The following ALDH16A1 variants were observed in gnomAD, a reference collection of about 807,000 sequenced individuals.
ALDH16A1 encodes the protein aldehyde dehydrogenase 16 family member A1.
A neutral mutation model predicts 96.1 loss-of-function variants in ALDH16A1; 88 were observed. That is an observed-to-expected ratio of 0.92 (90% CI 0.77 to 1.09). The LOEUF (loss-of-function observed/expected upper bound fraction) is 1.09. Ranked by LOEUF, ALDH16A1 falls within the 50% of genes least tolerant of loss-of-function variation. The pLI, the probability that ALDH16A1 is intolerant of heterozygous loss-of-function variation, is 0.00. For synonymous variants in ALDH16A1, 522 were observed against 496.4 expected (o/e 1.05, Z -0.69); for missense variants, 1,250 against 1,112.6 (o/e 1.12, Z -1.76).
At chr19:49,467,721 T>C (rs891598664) in intron 14 of ALDH16A1, among the ~76,000 whole-genome samples, 10 of 151,906 alleles carry the variant, frequency 6.6e-5, no homozygotes, top group Non-Finnish European at 1.3e-4. Context: ...TATTTTACTT[T>C]AGTTCTGGGA....
chr19:49,464,152 C>T lies in ALDH16A1; in HGVS notation c.1220C>T (p.Ser407Phe), dbSNP rs776285715. Reference sequence around the variant, plus strand: ...GTGCCGTGGCCTGTGGTCGTGGCCTCCCCCTTCCGCACAGCCAAGGAGGCA... The same window carrying T: ...GTGCCGTGGCCTGTGGTCGTGGCCTTCCCCTTCCGCACAGCCAAGGAGGCA... Reference protein sequence around the residue: ...VEVPWPVVVASPFRTAKEALL... With the variant: ...VEVPWPVVVAFPFRTAKEALL... The change falls in exon 10 of 17, where the codon TCC (serine) becomes TTC (phenylalanine). Residue 407 changes from serine to phenylalanine, a missense_variant. Transcript: ENST00000293350. 1.3e-5 allele frequency: 21 copies of T among 1,608,718 alleles called. No individual in the cohort carries two copies. In the East Asian group the frequency reaches 3.6e-4, roughly 27 times the overall value.
At chr19:49,457,786 T>C (rs1005349575) in intron 1 of ALDH16A1, among the ~76,000 whole-genome samples, 1 of 151,786 alleles carries the variant, frequency 6.6e-6, no homozygotes, top group Non-Finnish European at 1.5e-5. Flanking sequence ...ACTTTTTGTA[T>C]TTTTTGTAGA....
Position 49,468,449 on chromosome 19 carries a change from G to C in ALDH16A1, c.2007G>C (p.Pro669=). 6.2e-7 allele frequency: 1 copy of C among 1,601,786 alleles called. No homozygotes were observed. The highest frequency in any genetic ancestry group is 8.5e-7 in the Non-Finnish European group (1 of 1,179,882). Residue 669 remains proline, a synonymous_variant, in exon 15 of 17, where the codon CCG becomes CCC. Coordinates refer to ENST00000293350, the MANE Select transcript of ALDH16A1 (RefSeq NM_153329.4). This position sits in a 1 kb window ranked among gnomAD's most constrained non-coding sequence, Gnocchi z 4.4. ...TGGGTGTGCTGGCTGTGGTGTGTCC[G>C]GACGAGTGGCCCCTGCTTGCCTTCG... ...EPLGVLAVVC[P]DEWPLLAFVS... is the part of the protein sequence containing the mutation.
Position 49,453,512 on chromosome 19 carries a change from G to A in ALDH16A1, c.90+91G>A, listed in dbSNP as rs1303736874. 5 of 1,197,998 alleles carry A rather than the reference G, an allele frequency of 4.2e-6. No homozygotes were observed. In the East Asian group the frequency reaches 1.0e-4, roughly 25 times the overall value. 74.2% of individuals were successfully genotyped at this position (1,197,998 alleles called of 1,614,324 possible). ...GGGAGTCCCGTCATCCACTGCGGTA[G>A]CTCAGCCGCTCCGCCTCTCTTAGTC... On this transcript the variant is annotated intron_variant, in intron 1 of 16. Transcript: ENST00000293350.
chr19:49,453,516 A>G, intron 1 of ALDH16A1, 95 bp downstream of exon 1: 2 of 1,175,362 alleles, frequency 1.7e-6, no homozygotes, highest in South Asian at 1.5e-5. Flanking sequence ...GCGGTAGCTC[A>G]GCCGCTCCGC....
At chr19:49,461,137 A>G (rs1601024998) in intron 5 of ALDH16A1, among the ~76,000 whole-genome samples, 1 of 107,500 alleles carries the variant, frequency 9.3e-6, no homozygotes, top group African/African-American at 3.7e-5. Flanking sequence ...CTGAGGGAGG[A>G]GGGGCTGGAG....
chr19:49,466,088 G>A lies in ALDH16A1; in HGVS notation c.1743G>A (p.Ala581=), dbSNP rs778322254. Residue 581 remains alanine, a synonymous_variant, in exon 14 of 17, where the codon GCG becomes GCA. Coordinates refer to ENST00000293350, the MANE Select transcript of ALDH16A1 (RefSeq NM_153329.4). ...GTGCGCTGTCTGCCCACAGCTGGGCGGGCCAGTCCCCAGGAGCCCGGGCAG... is the reference window on the plus strand; with the variant it reads ...GTGCGCTGTCTGCCCACAGCTGGGCAGGCCAGTCCCCAGGAGCCCGGGCAG... ...EAAHQAFPGW[A]GQSPGARAAL... The A allele has an allele frequency of 9.1e-6, 14 of 1,542,828 alleles. No homozygotes were observed. Among genetic ancestry groups the A allele is most frequent in the African/African-American group, 1.4e-5 (1 of 73,358 alleles).
intron 1 of ALDH16A1, among the ~76,000 whole-genome samples, chr19:49,457,424 T>G (rs544896836): frequency 6.6e-6 from 1 of 151,252 alleles, no homozygotes; most frequent in Non-Finnish European, 1.5e-5. Flanking sequence ...GGCAGGCGCA[T>G]GTAGTCCCAG....
Position 49,461,809 on chromosome 19 carries a change from G to A in ALDH16A1, c.759+9G>A, listed in dbSNP as rs1452694893. The A allele has an allele frequency of 9.9e-6, 16 of 1,609,186 alleles. No homozygotes were observed. The highest frequency in any genetic ancestry group is 2.2e-5 in the South Asian group (2 of 90,466). On this transcript the variant is annotated intron_variant, in intron 6 of 16. Transcript: ENST00000293350. The stretch of plus-strand genomic sequence containing the variant: ...TCTGCGGAGCCCCGGAGGTACCTTC[G>A]GGACAGGGGTCGTGGCGGAACGCGG...
Position 49,466,073 on chromosome 19 carries a change from T to C in ALDH16A1, c.1737-9T>C, listed in dbSNP as rs753437291. On this transcript the variant is annotated splice_polypyrimidine_tract_variant and intron_variant, in intron 13 of 16. Coordinates refer to ENST00000293350, the MANE Select transcript of ALDH16A1 (RefSeq NM_153329.4). ...ATGCCAACCCCCACTGTGCGCTGTC[T>C]GCCCACAGCTGGGCGGGCCAGTCCC... The C allele has an allele frequency of 3.6e-5, 55 of 1,541,056 alleles. No homozygotes were observed. Among genetic ancestry groups the C allele is most frequent in the Non-Finnish European group, 4.4e-5 (51 of 1,146,988 alleles).
At position 49,461,965 on chromosome 19, in the gene ALDH16A1, C is replaced by G. The variant is rs1318630986; in HGVS notation, c.841C>G (p.Leu281Val). Residue 281 changes from leucine (L) to valine (V), a missense_variant, in exon 7 of 17, where the codon CTG (leucine) becomes GTG (valine). Coordinates refer to ENST00000293350, the MANE Select transcript of ALDH16A1 (RefSeq NM_153329.4). ...GCTGGGGACGGAGTCGCTGCTGCTG[C>G]TGACGGACACGGCGGACGTAGACTC... ...LALGTESLLL[L>V]TDTADVDSAV... 1 of 1,562,954 alleles carries G rather than the reference C, an allele frequency of 6.4e-7. No homozygotes were observed. The highest frequency in any genetic ancestry group is 1.4e-5 in the African/African-American group (1 of 73,734).
chr19:49,468,101 A>G lies in ALDH16A1; in HGVS notation c.1939-280A>G, dbSNP rs973288758. ...CGTGAACCCGGGAGGCGGAGGTTGC[A>G]GTGAGCCAAGATCGCACCACTGCAC... On this transcript the variant is annotated intron_variant, in intron 14 of 16. Coordinates refer to ENST00000293350, the MANE Select transcript of ALDH16A1 (RefSeq NM_153329.4). This position sits in a 1 kb window ranked among gnomAD's most constrained non-coding sequence, Gnocchi z 4.4. Among the ~76,000 whole-genome samples the G allele has an allele frequency of 2.7e-5, 4 of 150,206 alleles. No individual in the cohort carries two copies. The highest frequency in any genetic ancestry group is 5.9e-5 in the Non-Finnish European group (4 of 67,760).
Position 49,468,422 on chromosome 19 carries a change from G to C in ALDH16A1, c.1980G>C (p.Pro660=). 1 of 1,600,698 alleles carries C rather than the reference G, an allele frequency of 6.2e-7. No individual in the cohort carries two copies. Among genetic ancestry groups the C allele is most frequent in the East Asian group, 2.2e-5 (1 of 44,852 alleles). ...LRGPVLRLRE[P]LGVLAVVCPD... The stretch of plus-strand genomic sequence containing the variant: ...GCCCTGTGCTGCGCCTGCGGGAGCC[G>C]CTGGGTGTGCTGGCTGTGGTGTGTC... The change falls in exon 15 of 17, where the codon CCG becomes CCC. Residue 660 remains proline, a synonymous_variant. Coordinates refer to ENST00000293350, the MANE Select transcript of ALDH16A1 (RefSeq NM_153329.4). The surrounding 1 kb of genome is among the most constrained non-coding windows in gnomAD (Gnocchi z 4.4).
rs749910207 is a variant in ALDH16A1 at position 49,466,205 on chromosome 19, G to A, written c.1860G>A (p.Ala620=). The A allele has an allele frequency of 1.6e-4, 243 of 1,537,052 alleles. No individual in the cohort carries two copies. Among genetic ancestry groups the A allele is most frequent in the Admixed American group, 4.9e-4 (23 of 46,888 alleles). The change falls in exon 14 of 17, where the codon GCG becomes GCA. Residue 620 remains alanine (A), a synonymous_variant. Transcript: ENST00000293350. ...LERQGAELKA[A]EAEVELSARR... ...GGCAGGGAGCGGAGCTCAAGGCTGC[G>A]GAGGCGGAGGTGGAGCTGAGCGCAA...
At position 49,468,904 on chromosome 19, in the gene ALDH16A1, T is replaced by C. The variant is rs764395198; in HGVS notation, c.2165T>C (p.Val722Ala). ...TVFPAGLANV[V>A]TGDRDHLTRC... ...TTCCCAGCAGGCCTGGCCAACGTGG[T>C]GACAGGAGACCGGGACCATCTGACC... The change falls in exon 16 of 17, where the codon GTG becomes GCG. Residue 722 changes from valine to alanine, a missense_variant. Transcript: ENST00000293350. The surrounding 1 kb of genome is among the most constrained non-coding windows in gnomAD (Gnocchi z 4.4). 6.2e-7 allele frequency: 1 copy of C among 1,613,948 alleles called. No homozygotes were observed. Among genetic ancestry groups the C allele is most frequent in the South Asian group, 1.1e-5 (1 of 91,082 alleles).
intron 1 of ALDH16A1, among the ~76,000 whole-genome samples, chr19:49,457,256 T>C (rs1257904162): frequency 1.3e-5 from 2 of 150,728 alleles, no homozygotes; most frequent in African/African-American, 4.9e-5. Context: ...GAAAGAAATA[T>C]GGAGGAGAAG....
rs142277700 is a variant in ALDH16A1, at chr19:49,453,387, A to G, written c.56A>G (p.Tyr19Cys). The change falls in exon 1 of 17, where the codon TAC (tyrosine) becomes TGC (cysteine). Residue 19 changes from tyrosine (Y) to cysteine (C), a missense_variant. Physicochemically the swap from Tyr to Cys is radical, Grantham distance 194 (BLOSUM62 -2). Coordinates refer to ENST00000293350, the MANE Select transcript of ALDH16A1 (RefSeq NM_153329.4). Reference sequence around the variant, plus strand: ...CGCGAGATCTTCACCTCGCTGGAGTACGGACCGGTGCCGGAGAGCCACGCA... The same window carrying G: ...CGCGAGATCTTCACCTCGCTGGAGTGCGGACCGGTGCCGGAGAGCCACGCA... ...RAREIFTSLE[Y>C]GPVPESHACA... 2 of 1,565,134 alleles carry G rather than the reference A, an allele frequency of 1.3e-6. No individual in the cohort carries two copies. Among genetic ancestry groups the G allele is most frequent in the Non-Finnish European group, 1.7e-6 (2 of 1,157,678 alleles).
At chr19:49,466,990 A>G (rs968050906) in intron 14 of ALDH16A1, among the ~76,000 whole-genome samples, 2 of 152,140 alleles carry the variant, frequency 1.3e-5, no homozygotes, top group Admixed American at 1.3e-4. Flanking sequence ...TGGGCAACAC[A>G]GTGAAACCCT....
chr19:49,467,530 G>A (rs375243989), intron 14 of ALDH16A1, among the ~76,000 whole-genome samples: 1 of 151,440 alleles, frequency 6.6e-6, no homozygotes, highest in East Asian at 2.0e-4. Context: ...GAGTGGCTGG[G>A]ACTACAGGTG....
Sources: gnomAD v4.1 joint callset for allele counts (sites outside exome capture counted in the v4.1 genomes callset) on GRCh38, gnomAD v4.1.1 for gene constraint, Gnocchi (gnomAD v3.1) non-coding constraint, MANE v1.5 for transcripts, NCBI Gene and HGNC (gene_info 2026-07-23, HGNC 2026-07-21) for gene names.